LRRC4C: variants seen among roughly 807,000 people sequenced by gnomAD.
LRRC4C encodes the protein leucine rich repeat containing 4C, also known as leucine-rich repeat-containing protein 4C.
In LRRC4C, 5 loss-of-function variants were observed where a neutral mutation model predicts 33.6. That is an observed-to-expected ratio of 0.15 (90% CI 0.08 to 0.31). The LOEUF (loss-of-function observed/expected upper bound fraction) is 0.31. Ranked by LOEUF, LRRC4C falls within the 10% of genes least tolerant of loss-of-function variation. The pLI, the probability that LRRC4C is intolerant of heterozygous loss-of-function variation, is 1.00. For missense variants in LRRC4C, 560 were observed against 796.7 expected (o/e 0.70, Z 3.58); for synonymous variants, 329 against 302.0 (o/e 1.09, Z -0.93).
intron 2 of LRRC4C, among the ~76,000 whole-genome samples, chr11:40,914,411 G>A (rs1382510349): frequency 5.9e-5 from 9 of 152,112 alleles, no homozygotes; most frequent in East Asian, 1.9e-4. Flanking sequence ...ATCAATAAAC[G>A]TAATCCAGAA....
chr11:41,154,462 T>C (rs1267506450), intron 1 of LRRC4C, among the ~76,000 whole-genome samples: 1 of 152,158 alleles, frequency 6.6e-6, no homozygotes, highest in Non-Finnish European at 1.5e-5. Context: ...TTTATTTCTC[T>C]TTTCCTAAGA....
intron 2 of LRRC4C, among the ~76,000 whole-genome samples, chr11:40,662,681 G>A (rs1007565086): frequency 6.6e-5 from 10 of 152,182 alleles, no homozygotes; most frequent in Non-Finnish European, 1.3e-4. Flanking sequence ...GTATTCTGGT[G>A]AGGATCAGGG....
chr11:40,461,676 ATATAT>A (rs1286531309), intron 3 of LRRC4C, among the ~76,000 whole-genome samples: 1 of 148,666 alleles, frequency 6.7e-6, no homozygotes, highest in African/African-American at 2.4e-5. Flanking sequence ...CAAATTATAT[ATATAT>A]TATATAATAA....
chr11:40,501,731 T>C (rs191072885), intron 3 of LRRC4C, among the ~76,000 whole-genome samples: 9,839 of 152,144 alleles, frequency 0.065, 839 homozygotes, highest in African/African-American at 0.2. Flanking sequence ...GGGTCTGTGA[T>C]GGGAGGGGCT....
intron 3 of LRRC4C, among the ~76,000 whole-genome samples, chr11:40,564,494 G>T (rs1469415783): frequency 6.6e-6 from 1 of 152,130 alleles, no homozygotes; most frequent in African/African-American, 2.4e-5. Context: ...TTCTATGCAG[G>T]TTAACACTGA....
chr11:40,809,112 G>A (rs1457354326), intron 2 of LRRC4C, among the ~76,000 whole-genome samples: 1 of 152,062 alleles, frequency 6.6e-6, no homozygotes, highest in African/African-American at 2.4e-5. Context: ...AGACTTCACT[G>A]TCTTCCAACA....
intron 2 of LRRC4C, among the ~76,000 whole-genome samples, chr11:40,652,066 G>C (rs760213490): frequency 6.6e-6 from 1 of 152,108 alleles, no homozygotes; most frequent in Non-Finnish European, 1.5e-5. Flanking sequence ...TTACAGAAAA[G>C]GCTTAGCAGG....
chr11:40,213,416 G>A (rs1287944835), intron 5 of LRRC4C, among the ~76,000 whole-genome samples: 1 of 152,090 alleles, frequency 6.6e-6, no homozygotes, highest in African/African-American at 2.4e-5. Context: ...AAAATGTTGG[G>A]AACTACTGGA....
At chr11:41,322,201 G>GT (rs1172516932) in intron 1 of LRRC4C, among the ~76,000 whole-genome samples, 1 of 151,858 alleles carries the variant, frequency 6.6e-6, no homozygotes, top group African/African-American at 2.4e-5. Flanking sequence ...AGATTATGCA[G>GT]TATTTCCCTT....
intron 6 of LRRC4C, among the ~76,000 whole-genome samples, chr11:40,130,521 T>G (rs1381422326): frequency 1.3e-5 from 2 of 152,162 alleles, no homozygotes; most frequent in Non-Finnish European, 1.5e-5. Context: ...ACAATCACAG[T>G]GCAAGAAAGC....
chr11:40,481,143 A>G (rs1238477603), intron 3 of LRRC4C, among the ~76,000 whole-genome samples: 1 of 151,864 alleles, frequency 6.6e-6, no homozygotes, highest in Non-Finnish European at 1.5e-5. Context: ...GGAAGCACTC[A>G]GTAAATGTTA....
intron 1 of LRRC4C, among the ~76,000 whole-genome samples, chr11:40,999,970 A>T (rs142423140): frequency 8.3e-4 from 127 of 152,268 alleles, no homozygotes; most frequent in Non-Finnish European, 1.5e-3. Flanking sequence ...TGTTACCTTC[A>T]TGGAAATGCA....
At chr11:40,648,798 C>T (rs929870293) in intron 2 of LRRC4C, among the ~76,000 whole-genome samples, 2 of 152,238 alleles carry the variant, frequency 1.3e-5, no homozygotes, top group South Asian at 2.1e-4. Context: ...AATATTTCAG[C>T]GTAGGTTCTT....
At position 41,233,625 on chromosome 11, in the gene LRRC4C, A is replaced by T. The variant is rs563784938; in HGVS notation, c.-496+225806T>A. Among the ~76,000 whole-genome samples the T allele has an allele frequency of 5.9e-5, 9 of 152,148 alleles. No homozygotes were observed. The South Asian group carries it at 1.9e-3, about 32-fold the overall frequency. ...AGGGGAAATATGACTCTTTCTTTAG[A>T]TATATCAGTAATTTAAATTTATCTT... is the stretch of plus-strand genomic sequence containing the variant. On this transcript the variant is annotated intron_variant, in intron 1 of 6. Coordinates refer to ENST00000528697, the MANE Select transcript of LRRC4C (RefSeq NM_001258419.2).
intron 1 of LRRC4C, among the ~76,000 whole-genome samples, chr11:41,107,701 G>A (rs1054082030): frequency 6.6e-6 from 1 of 152,096 alleles, no homozygotes; most frequent in Non-Finnish European, 1.5e-5. Context: ...ACTTTGATAG[G>A]CCGAAGCAGG....
At chr11:40,646,696 C>T (rs931992172) in intron 3 of LRRC4C, among the ~76,000 whole-genome samples, 1 of 152,166 alleles carries the variant, frequency 6.6e-6, no homozygotes, top group Non-Finnish European at 1.5e-5. Context: ...AAGCTCCGCC[C>T]TCCGGGTTCA....
chr11:40,924,540 T>C (rs886909972), intron 2 of LRRC4C, among the ~76,000 whole-genome samples: 2 of 152,068 alleles, frequency 1.3e-5, no homozygotes, highest in African/African-American at 2.4e-5. Flanking sequence ...ATGGTATTAA[T>C]ATGCAGTTAG....
At chr11:40,825,955 T>C (rs1952150503) in intron 2 of LRRC4C, among the ~76,000 whole-genome samples, 1 of 140,210 alleles carries the variant, frequency 7.1e-6, no homozygotes, top group African/African-American at 2.6e-5. Context: ...GGGGGGCGTC[T>C]CACATATATT....
chr11:41,060,904 T>C (rs1034424451), intron 1 of LRRC4C, among the ~76,000 whole-genome samples: 10 of 152,050 alleles, frequency 6.6e-5, no homozygotes, highest in African/African-American at 2.4e-4. Flanking sequence ...CTTTCTCAAG[T>C]GTCTTCTCTC....
Sources: allele counts gnomAD v4.1 joint callset (sites outside exome capture counted in the v4.1 genomes callset), GRCh38; gene constraint gnomAD v4.1.1; transcripts MANE v1.5; gene names NCBI Gene and HGNC (gene_info 2026-07-23, HGNC 2026-07-21).